Variants in USP42 observed in about 807,000 individuals in gnomAD.
USP42 encodes ubiquitin carboxyl-terminal hydrolase 42.
In USP42, 23 loss-of-function variants were observed where a neutral mutation model predicts 113.0. That is an observed-to-expected ratio of 0.20 (90% CI 0.15 to 0.29). USP42 has a LOEUF of 0.29. Among genes scored for constraint, USP42 ranks in the 10% least tolerant of loss-of-function variants. USP42 has a pLI of 1.00. For synonymous variants in USP42, 933 were observed against 699.0 expected (o/e 1.33, Z -5.28); for missense variants, 2,174 against 1,779.8 (o/e 1.22, Z -3.99).
At chr7:6,143,107 G>A (rs1037137191) in intron 8 of USP42, 93 bp downstream of exon 8, 110 of 1,332,482 alleles carry the variant, frequency 8.3e-5, no homozygotes, top group Middle Eastern at 3.7e-4. Context: ...TGTCTAGGTT[G>A]CTTGAGTTTC....
upstream of USP42, among the ~76,000 whole-genome samples, chr7:6,101,878 AGTCCAGCCTGACC>A (rs1790137254): frequency 1.3e-5 from 2 of 148,192 alleles, no homozygotes; most frequent in African/African-American, 5.3e-5. Flanking sequence ...CAGGAGTTCG[AGTCCAGCCTGACC>A]AACATGGTGA....
Position 6,146,232 on chromosome 7 carries a change from G to A in USP42, c.1216G>A (p.Val406Met). 1 of 1,593,314 alleles carries A rather than the reference G, an allele frequency of 6.3e-7. No individual in the cohort carries two copies. Among genetic ancestry groups the A allele is most frequent in the Non-Finnish European group, 8.5e-7 (1 of 1,171,604 alleles). The change falls in exon 11 of 18, where the codon GTG becomes ATG. Residue 406 changes from valine (V) to methionine (M), a missense_variant. Val to Met is a conservative substitution (Grantham distance 21). Transcript: ENST00000306177. The part of the protein sequence containing the change: ...IRSVLSQQAY[V>M]LFYIRSHDVK... ...ATCGGTACTCAGCCAACAAGCCTAT[G>A]TGCTCTTTTATATCAGGTATTGTCA...
In USP42 at chr7:6,159,532, T is replaced by C; in HGVS notation, c.*36+39T>C. On this transcript the variant is annotated intron_variant, in intron 17 of 17. Coordinates refer to ENST00000306177, the MANE Select transcript of USP42 (RefSeq NM_032172.3). This position sits in a 1 kb window ranked among gnomAD's most constrained non-coding sequence, Gnocchi z 4.1. ...CTGTCTGTTTCCTCATTGTTTGTGG[T>C]GGCGCTGAGGGGACGCAGGCAGAGG... 1 of 1,591,864 alleles carries C rather than the reference T, an allele frequency of 6.3e-7. No individual in the cohort carries two copies. The highest frequency in any genetic ancestry group is 1.7e-5 in the Admixed American group (1 of 59,798).
At position 6,154,138 on chromosome 7, in the gene USP42, C is replaced by T. The variant is rs750183072; in HGVS notation, c.2584C>T (p.Arg862Trp). 1.4e-5 allele frequency: 22 copies of T among 1,596,442 alleles called. No individual in the cohort carries two copies. The highest frequency in any genetic ancestry group is 1.7e-4 in the Middle Eastern group (1 of 6,040). Residue 862 changes from arginine to tryptophan, a missense_variant, in exon 15 of 18, where the codon CGG becomes TGG. By Grantham distance (101) the Arg-to-Trp change is moderately radical. Transcript: ENST00000306177. ...AGGGTTGAGTCCGGCTCCGCCTGCG[C>T]GGTCGGAGGAGCCCTGCGAGCAGCC... ...PEGLSPAPPA[R>W]SEEPCEQPLL...
chr7:6,114,030 T>C (rs890237947), intron 2 of USP42, among the ~76,000 whole-genome samples: 2 of 152,236 alleles, frequency 1.3e-5, no homozygotes, highest in African/African-American at 4.8e-5. Context: ...TTGAGCTTCA[T>C]CTTGAGTTCC....
intron 11 of USP42, among the ~76,000 whole-genome samples, chr7:6,147,006 TTCAC>T (rs771476803): frequency 7.2e-5 from 11 of 152,364 alleles, no homozygotes; most frequent in African/African-American, 1.2e-4. Flanking sequence ...GCATACGCTT[TTCAC>T]TCACTCACTC....
In USP42 at chr7:6,154,314, C is replaced by G; in HGVS notation, c.2760C>G (p.Pro920=). 1 of 1,580,272 alleles carries G rather than the reference C, an allele frequency of 6.3e-7. No homozygotes were observed. Among genetic ancestry groups the G allele is most frequent in the Non-Finnish European group, 8.6e-7 (1 of 1,163,858 alleles). ...GHPEGDAEPS[P]GERVEDAAAP... ...CGGAAGGGGACGCTGAGCCTAGCCC[C>G]GGCGAGAGGGTCGAGGACGCCGCGG... The change falls in exon 15 of 18, where the codon CCC becomes CCG. Residue 920 remains proline, a synonymous_variant. Transcript: ENST00000306177.
rs535493131 is a variant in USP42, at chr7:6,120,251, A to G, written c.442+4728A>G. On this transcript the variant is annotated intron_variant, in intron 3 of 17. Coordinates refer to ENST00000306177, the MANE Select transcript of USP42 (RefSeq NM_032172.3). ...AGTGTTGGGATTACAGGCGTGAGCCACTGCGCCCGGCCCTTTTTATTTGCT... is the reference window on the plus strand; with the variant it reads ...AGTGTTGGGATTACAGGCGTGAGCCGCTGCGCCCGGCCCTTTTTATTTGCT... Among the ~76,000 whole-genome samples, 9 of 152,246 alleles carry G rather than the reference A, an allele frequency of 5.9e-5. 1 individual carries two copies. The highest frequency in any genetic ancestry group is 2.2e-4 in the African/African-American group (9 of 41,550).
intron 3 of USP42, among the ~76,000 whole-genome samples, chr7:6,126,498 G>T (rs542857909): frequency 6.6e-6 from 1 of 152,196 alleles, no homozygotes; most frequent in South Asian, 2.1e-4. Context: ...TGTTAGCCAG[G>T]ATGGTCTCTA....
At chr7:6,145,997 G>C (rs1781696978) in intron 10 of USP42, 151 bp from the exon 11 acceptor site, 1 of 678,672 alleles carries the variant, frequency 1.5e-6, no homozygotes, top group South Asian at 1.9e-5. Context: ...TTGAACCCAG[G>C]AGGTGGAGAT....
the USP42 span, among the ~76,000 whole-genome samples, chr7:6,092,752 G>C: frequency 1.8e-4 from 27 of 151,076 alleles, no homozygotes. Context: ...AAACAAGCTG[G>C]GTCTAAGACC....
intron 3 of USP42, among the ~76,000 whole-genome samples, chr7:6,125,698 CTGCTTTTCAT>C (rs957876909): frequency 2.0e-5 from 3 of 151,968 alleles, no homozygotes; most frequent in African/African-American, 7.3e-5. Context: ...ACTGTTTTCA[CTGCTTTTCAT>C]TCCTTTTTAT....
At chr7:6,124,810 G>A (rs1460431050) in intron 3 of USP42, among the ~76,000 whole-genome samples, 1 of 150,884 alleles carries the variant, frequency 6.6e-6, no homozygotes, top group African/African-American at 2.4e-5. Context: ...TGCTTCATTG[G>A]CATATTTTTG....
chr7:6,100,583 G>C (rs1790092559), upstream of USP42, among the ~76,000 whole-genome samples: 1 of 150,704 alleles, frequency 6.6e-6, no homozygotes, highest in African/African-American at 2.5e-5. Flanking sequence ...GCTCATCTCA[G>C]CCTCTCAAAG....
the USP42 span, among the ~76,000 whole-genome samples, chr7:6,088,299 A>G: frequency 3.3e-5 from 5 of 150,768 alleles, no homozygotes; most frequent in African/African-American, 1.2e-4. Context: ...CTGTCACCCT[A>G]GGCTGGACTG....
intron 1 of USP42, among the ~76,000 whole-genome samples, chr7:6,108,911 G>A (rs887182848): frequency 1.3e-5 from 2 of 152,192 alleles, no homozygotes; most frequent in African/African-American, 2.4e-5. Context: ...TCTGTTCCCA[G>A]ACTTTGTTCA....
chr7:6,095,502 T>C, the USP42 span, among the ~76,000 whole-genome samples: 2 of 151,046 alleles, frequency 1.3e-5, no homozygotes, highest in African/African-American at 4.9e-5. Flanking sequence ...ACCCCGTGTC[T>C]ACTAAAAATA....
At chr7:6,145,739 G>A in intron 10 of USP42, 83 bp downstream of exon 10, 1 of 1,453,232 alleles carries the variant, frequency 6.9e-7, no homozygotes, top group Non-Finnish European at 9.4e-7. Context: ...GGGAGAGGTG[G>A]AACTTTTACA....
chr7:6,105,513 C>G (rs1168257612), intron 1 of USP42, among the ~76,000 whole-genome samples: 1 of 149,610 alleles, frequency 6.7e-6, no homozygotes, highest in East Asian at 2.0e-4. Flanking sequence ...CCGGAGCCCC[C>G]TCAGAGCCCC....
Sources: gnomAD v4.1 joint callset for allele counts (sites outside exome capture counted in the v4.1 genomes callset) on GRCh38, gnomAD v4.1.1 for gene constraint, Gnocchi (gnomAD v3.1) non-coding constraint, MANE v1.5 for transcripts, NCBI Gene and HGNC (gene_info 2026-07-23, HGNC 2026-07-21) for gene names.